The following ADGRG7 variants were observed in gnomAD, a reference collection of about 807,000 sequenced individuals.
ADGRG7 encodes the protein G-protein coupled receptor 128.
Under a neutral mutation model 88.6 loss-of-function variants are expected in ADGRG7, and 82 were observed. That is an observed-to-expected ratio of 0.93 (90% CI 0.77 to 1.11). The LOEUF is 1.11. Ranked by LOEUF, ADGRG7 falls within the 50% of genes most tolerant of loss-of-function variation. The pLI is 0.00. For synonymous variants in ADGRG7, 381 were observed against 345.2 expected (o/e 1.10, Z -1.15); for missense variants, 945 against 953.4 (o/e 0.99, Z 0.12).
At chr3:100,665,326 T>C in intron 14 of ADGRG7, 1 of 540,814 alleles carries the variant, frequency 1.8e-6, no homozygotes, top group South Asian at 1.4e-5. Flanking sequence ...TCTGGTGAAA[T>C]ACCCTCAAGC....
intron 15 of ADGRG7, among the ~76,000 whole-genome samples, chr3:100,686,002 G>A (rs1432412843): frequency 6.6e-6 from 1 of 151,032 alleles, no homozygotes; most frequent in Non-Finnish European, 1.5e-5. Context: ...CAGTGTAAAA[G>A]TGTTCCTATT....
intron 15 of ADGRG7, among the ~76,000 whole-genome samples, chr3:100,671,023 T>C (rs992849983): frequency 1.2e-4 from 18 of 152,224 alleles, no homozygotes; most frequent in Non-Finnish European, 2.6e-4. Flanking sequence ...CATGTGCATG[T>C]GTCTTTATAG....
chr3:100,613,666 C>G (rs901218378), intron 1 of ADGRG7, among the ~76,000 whole-genome samples: 1 of 152,056 alleles, frequency 6.6e-6, no homozygotes, highest in Non-Finnish European at 1.5e-5. Flanking sequence ...AGTGTTGATT[C>G]CATTTTAAAA....
chr3:100,612,809 A>G (rs942039256), intron 1 of ADGRG7, among the ~76,000 whole-genome samples: 1 of 152,230 alleles, frequency 6.6e-6, no homozygotes, highest in Non-Finnish European at 1.5e-5. Flanking sequence ...CCTGTTCTTC[A>G]GTCCTGCAAG....
chr3:100,649,587 A>G (rs930365709), intron 10 of ADGRG7, 108 bp from the exon 11 acceptor site: 2 of 596,958 alleles, frequency 3.4e-6, no homozygotes, highest in East Asian at 2.9e-5. Context: ...AGGAAGATAT[A>G]TCTGGCAACT....
At chr3:100,638,935 T>A (rs1213164852) in intron 6 of ADGRG7, among the ~76,000 whole-genome samples, 5 of 152,092 alleles carry the variant, frequency 3.3e-5, no homozygotes, top group Non-Finnish European at 7.4e-5. Context: ...AAATATGTAG[T>A]TTAGCAAAAT....
intron 15 of ADGRG7, among the ~76,000 whole-genome samples, chr3:100,682,158 C>T (rs1364351795): frequency 6.6e-6 from 1 of 152,142 alleles, no homozygotes; most frequent in Non-Finnish European, 1.5e-5. Flanking sequence ...GGAGCGCCCC[C>T]GGAGTCCACC....
chr3:100,693,965 A>G (rs1260687477), intron 15 of ADGRG7, among the ~76,000 whole-genome samples: 1 of 152,228 alleles, frequency 6.6e-6, no homozygotes, highest in East Asian at 1.9e-4. Context: ...TATATTGGAT[A>G]GAGGAGGGGT....
chr3:100,678,064 C>T (rs2094967952), intron 15 of ADGRG7, among the ~76,000 whole-genome samples: 2 of 151,984 alleles, frequency 1.3e-5, no homozygotes, highest in South Asian at 4.1e-4. Context: ...TTAGATTTTT[C>T]CCTTAGGGGC....
In ADGRG7 at chr3:100,643,373, G is replaced by T; in HGVS notation, c.806G>T (p.Gly269Val). The change falls in exon 7 of 16, where the codon GGG (glycine) becomes GTG (valine). Residue 269 changes from glycine to valine, a missense_variant. Transcript: ENST00000273352. Reference sequence around the variant, plus strand: ...AATTTCTCTTCAGAAAATGCGGTGGGGCCTTCAAATGTTCGCTTCTCTGTG... The same window carrying T: ...AATTTCTCTTCAGAAAATGCGGTGGTGCCTTCAAATGTTCGCTTCTCTGTG... ...SANFSSENAVGPSNVRFSVQK... is the reference protein window; with the variant it reads ...SANFSSENAVVPSNVRFSVQK... 6.2e-7 allele frequency: 1 copy of T among 1,613,898 alleles called. No individual in the cohort carries two copies. Among genetic ancestry groups the T allele is most frequent in the Non-Finnish European group, 8.5e-7 (1 of 1,179,884 alleles).
intron 15 of ADGRG7, among the ~76,000 whole-genome samples, chr3:100,677,466 A>C (rs1012055498): frequency 4.6e-5 from 7 of 152,088 alleles, no homozygotes; most frequent in African/African-American, 1.7e-4. Flanking sequence ...CTCAAGATGT[A>C]AGTAGTTTAT....
chr3:100,630,922 G>A, intron 3 of ADGRG7, 113 bp downstream of exon 3: 1 of 461,434 alleles, frequency 2.2e-6, no homozygotes, highest in Non-Finnish European at 3.7e-6. Context: ...AAGGTTTTGT[G>A]GAAGGACTTA....
chr3:100,646,679 C>G lies in ADGRG7; in HGVS notation c.1221C>G (p.Phe407Leu). 2 of 1,614,166 alleles carry G rather than the reference C, an allele frequency of 1.2e-6. No homozygotes were observed. Among genetic ancestry groups the G allele is most frequent in the Non-Finnish European group, 1.7e-6 (2 of 1,180,010 alleles). Residue 407 changes from phenylalanine to leucine, a missense_variant, in exon 10 of 16, where the codon TTC becomes TTG. Phe to Leu is a conservative substitution (Grantham distance 22). Transcript: ENST00000273352. ...GCQKDKGTDG[F>L]LRCRCNHTTN... is the part of the protein sequence containing the mutation. Reference sequence around the variant, plus strand: ...AAAAAGACAAGGGCACTGATGGATTCCTGCGCTGCCGCTGCAACCATACTA... The same window carrying G: ...AAAAAGACAAGGGCACTGATGGATTGCTGCGCTGCCGCTGCAACCATACTA...
rs142469638 is a variant in ADGRG7, at chr3:100,654,918, G to A, written c.1463G>A (p.Gly488Glu). Residue 488 changes from glycine (G) to glutamate (E), a missense_variant, in exon 12 of 16, where the codon GGA (glycine) becomes GAA (glutamate). Physicochemically the swap from Gly to Glu is moderately conservative, Grantham distance 98 (BLOSUM62 -2). Transcript: ENST00000273352. ...ATTTTCAACCTCCTCTTTGTGTTTGGAATTGAAAACTCCAATAAGAACTTG... is the reference window on the plus strand; with the variant it reads ...ATTTTCAACCTCCTCTTTGTGTTTGAAATTGAAAACTCCAATAAGAACTTG... Reference protein sequence around the residue: ...MLIFNLLFVFGIENSNKNLQT... With the variant: ...MLIFNLLFVFEIENSNKNLQT... The A allele has an allele frequency of 6.2e-7, 1 of 1,613,758 alleles. No homozygotes were observed. Among genetic ancestry groups the A allele is most frequent in the African/African-American group, 1.3e-5 (1 of 74,820 alleles).
intron 15 of ADGRG7, among the ~76,000 whole-genome samples, chr3:100,685,423 G>A (rs1042259912): frequency 5.3e-5 from 8 of 151,650 alleles, no homozygotes; most frequent in African/African-American, 9.7e-5. Context: ...TGTGCACAAC[G>A]TGCAGGTTTG....
intron 1 of ADGRG7, among the ~76,000 whole-genome samples, chr3:100,611,636 A>G (rs969996451): frequency 1.3e-5 from 2 of 152,238 alleles, no homozygotes; most frequent in Non-Finnish European, 2.9e-5. Context: ...CAGCTCCTCA[A>G]AAAGAAAAAC....
rs1020540864 is a variant in ADGRG7 at position 100,669,514 on chromosome 3, A to G, written c.2136+409A>G. The stretch of plus-strand genomic sequence containing the variant: ...GCGCCACCGCACTCCAGCCTGGGCG[A>G]CAGAGTGAGACTCCATCTCAAAAAA... On this transcript the variant is annotated intron_variant, in intron 15 of 15. Transcript: ENST00000273352. 5.2e-5 allele frequency among the ~76,000 whole-genome samples: 6 copies of G among 115,280 alleles called. No individual in the cohort carries two copies. The Admixed American group carries it at 6.4e-4, about 12-fold the overall frequency. 75.6% of individuals were successfully genotyped at this position (115,280 alleles called of 152,430 possible). A position where few individuals can be genotyped will look rare whatever the true frequency, so the allele number is the denominator to read the frequency against.
chr3:100,669,441 C>G (rs540185805), intron 15 of ADGRG7, among the ~76,000 whole-genome samples: 22 of 146,488 alleles, frequency 1.5e-4, no homozygotes, highest in African/African-American at 5.1e-4. Flanking sequence ...TGCTGAGGCA[C>G]GAGAATGGCT....
chr3:100,645,832 C>G, intron 8 of ADGRG7, 113 bp from the exon 9 acceptor site: 1 of 909,482 alleles, frequency 1.1e-6, no homozygotes, highest in Non-Finnish European at 1.7e-6. Context: ...ACCATTTTTA[C>G]TGTACTTTAC....
Sources: allele counts gnomAD v4.1 joint callset (sites outside exome capture counted in the v4.1 genomes callset), GRCh38; gene constraint gnomAD v4.1.1; transcripts MANE v1.5; gene names NCBI Gene and HGNC (gene_info 2026-07-23, HGNC 2026-07-21).